WRN: variants seen among roughly 807,000 people sequenced by gnomAD.
WRN encodes bifunctional 3'-5' exonuclease/ATP-dependent helicase WRN.
Under a neutral mutation model 180.7 loss-of-function variants are expected in WRN, and 149 were observed. The observed-to-expected ratio is 0.82, with a 90% CI of 0.72 to 0.94. The LOEUF (loss-of-function observed/expected upper bound fraction) is 0.94. Among genes scored for constraint, WRN ranks in the 40% least tolerant of loss-of-function variants. The pLI is 0.00. For missense variants in WRN, 1,661 were observed against 1,700.1 expected, an observed-to-expected ratio of 0.98 and a Z score of 0.40; for synonymous variants, 548 against 568.9, an observed-to-expected ratio of 0.96 and a Z score of 0.52.
intron 14 of WRN, 29 bp from the exon 15 acceptor site, chr8:31,090,805 T>C: frequency 6.5e-7 from 1 of 1,536,624 alleles, no homozygotes; most frequent in South Asian, 1.2e-5. Context: ...ATTTTTTTCA[T>C]TTTATTTTTA....
chr8:31,065,345 A>C (rs1452949038), intron 5 of WRN, among the ~76,000 whole-genome samples: 1 of 152,120 alleles, frequency 6.6e-6, no homozygotes, highest in East Asian at 1.9e-4. Flanking sequence ...CCGGGTATTA[A>C]GCCTGGTACC....
intron 23 of WRN, among the ~76,000 whole-genome samples, chr8:31,129,791 G>C (rs1462943262): frequency 2.0e-5 from 3 of 151,982 alleles, no homozygotes; most frequent in Admixed American, 2.0e-4. Flanking sequence ...GGGATCACGA[G>C]GTCAAGAGAT....
intron 3 of WRN, among the ~76,000 whole-genome samples, chr8:31,061,759 C>T (rs58147997): frequency 0.025 from 3,866 of 152,222 alleles, 109 homozygotes; most frequent in East Asian, 0.072. Flanking sequence ...TAGACTGCCT[C>T]TGGTGATCAA....
chr8:31,143,056 T>TTTTC (rs1554533176), intron 27 of WRN, among the ~76,000 whole-genome samples: 28 of 115,590 alleles, frequency 2.4e-4, no homozygotes, highest in Non-Finnish European at 4.3e-4. Flanking sequence ...CACACACACA[T>TTTTC]TCTCTCTCTC....
chr8:31,149,479 T>G lies in WRN; in HGVS notation c.3573-862T>G, dbSNP rs1330106946. On this transcript the variant is annotated intron_variant, in intron 30 of 34. Transcript: ENST00000298139. ...TGTTTTTTTTTTTTTTTTTTTTTTT[T>G]TTTTTTTTTTTTGGTGATAGAGTCT... is the stretch of plus-strand genomic sequence containing the variant. Among the ~76,000 whole-genome samples, 142 of 91,540 alleles carry G rather than the reference T, an allele frequency of 1.6e-3. 13 individuals are homozygous for G. The highest frequency in any genetic ancestry group is 5.1e-3 in the Middle Eastern group (1 of 198). 60.1% of individuals were successfully genotyped at this position (91,540 alleles called of 152,430 possible).
At position 31,090,945 on chromosome 8, in the gene WRN, A is replaced by G. The variant is rs1813725952; in HGVS notation, c.1829+3A>G. 6.2e-7 allele frequency: 1 copy of G among 1,603,228 alleles called. No homozygotes were observed. Among genetic ancestry groups the G allele is most frequent in the Non-Finnish European group, 8.5e-7 (1 of 1,170,512 alleles). ...GAAGACCAAGTGCTACAGCTTAAGT[A>G]AGTCATGTTATCATTGCCACAATAT... On this transcript the variant is annotated splice_donor_region_variant and intron_variant, in intron 15 of 34. Coordinates refer to ENST00000298139, the MANE Select transcript of WRN (RefSeq NM_000553.6).
intron 19 of WRN, among the ~76,000 whole-genome samples, chr8:31,115,472 G>A (rs1398451050): frequency 6.6e-6 from 1 of 152,118 alleles, no homozygotes; most frequent in East Asian, 1.9e-4. Context: ...AGATAATGAT[G>A]AACATTTAGA....
chr8:31,039,685 GT>G (rs377211853), intron 1 of WRN, among the ~76,000 whole-genome samples: 170 of 152,134 alleles, frequency 1.1e-3, no homozygotes, highest in African/African-American at 3.7e-3. Context: ...TTAGCTGTGG[GT>G]TTTCATAAAT....
chr8:31,052,841 G>C (rs1268383970), intron 1 of WRN, among the ~76,000 whole-genome samples: 1 of 152,124 alleles, frequency 6.6e-6, no homozygotes, highest in Non-Finnish European at 1.5e-5. Context: ...AGCTCAAGAA[G>C]CTAGTTATAG....
intron 7 of WRN, among the ~76,000 whole-genome samples, chr8:31,069,712 C>T (rs908879118): frequency 6.6e-6 from 1 of 152,086 alleles, no homozygotes; most frequent in African/African-American, 2.4e-5. Context: ...GAACCAATCC[C>T]TCAAGGATAC....
At chr8:31,123,494 G>T (rs1801804665) in intron 21 of WRN, among the ~76,000 whole-genome samples, 1 of 152,010 alleles carries the variant, frequency 6.6e-6, no homozygotes. Context: ...TAATTACATG[G>T]AAGGGCATGG....
rs918029823 is a variant in WRN at position 31,175,043 on chromosome 8, G to T, written c.*1941G>T. ...ATGAGATGGATAGTAATTAACAAAT[G>T]TGAGTTTTTGATATTATATAAAGAT... On this transcript the variant is annotated 3_prime_UTR_variant, in exon 35 of 35. Coordinates refer to ENST00000298139, the MANE Select transcript of WRN (RefSeq NM_000553.6). Among the ~76,000 whole-genome samples, 2 of 151,826 alleles carry T rather than the reference G, an allele frequency of 1.3e-5. No individual in the cohort carries two copies. The highest frequency in any genetic ancestry group is 4.8e-5 in the African/African-American group (2 of 41,322).
At chr8:31,170,125 C>T (rs1005022624) in intron 34 of WRN, among the ~76,000 whole-genome samples, 1 of 152,084 alleles carries the variant, frequency 6.6e-6, no homozygotes, top group Non-Finnish European at 1.5e-5. Context: ...TGGTGGTTTG[C>T]CCCTACATTC....
At position 31,154,674 on chromosome 8, in the gene WRN, G is replaced by A. The variant is rs147117969; in HGVS notation, c.3738G>A (p.Leu1246=). The change falls in exon 32 of 35, where the codon CTG becomes CTA. Residue 1246 remains leucine, a synonymous_variant. Coordinates refer to ENST00000298139, the MANE Select transcript of WRN (RefSeq NM_000553.6). ...CTCAAGAAGAACAGAAGACGAGTCTGGTAGCAAAAAATAAAATATGCACAC... is the reference window on the plus strand; with the variant it reads ...CTCAAGAAGAACAGAAGACGAGTCTAGTAGCAAAAAATAAAATATGCACAC... ...TKPQEEQKTS[L]VAKNKICTLS... is the part of the protein sequence containing the mutation. The A allele has an allele frequency of 5.4e-4, 871 of 1,613,458 alleles. No homozygotes were observed. The highest frequency in any genetic ancestry group is 7.7e-4 in the African/African-American group (58 of 74,994).
At chr8:31,046,493 A>G (rs1421987189) in intron 1 of WRN, among the ~76,000 whole-genome samples, 3 of 152,180 alleles carry the variant, frequency 2.0e-5, no homozygotes, top group South Asian at 2.1e-4. Flanking sequence ...TGTTCTCCAA[A>G]AAAAGGAGAA....
intron 31 of WRN, among the ~76,000 whole-genome samples, 163 bp from the exon 32 acceptor site, chr8:31,154,461 G>C (rs1803290552): frequency 6.6e-6 from 1 of 152,050 alleles, no homozygotes; most frequent in South Asian, 2.1e-4. Flanking sequence ...AAATCAATAT[G>C]TTAAAAATCC....
At chr8:31,128,555 A>G (rs1802015774) in intron 23 of WRN, among the ~76,000 whole-genome samples, 1 of 152,186 alleles carries the variant, frequency 6.6e-6, no homozygotes, top group African/African-American at 2.4e-5. Context: ...CATACATGGA[A>G]TATTTCTAAA....
At chr8:31,048,789 A>G (rs1048834719) in intron 1 of WRN, among the ~76,000 whole-genome samples, 3 of 152,204 alleles carry the variant, frequency 2.0e-5, no homozygotes, top group African/African-American at 7.2e-5. Flanking sequence ...ACCAAACGGA[A>G]TTGCTGGAGT....
intron 18 of WRN, among the ~76,000 whole-genome samples, chr8:31,109,732 G>T (rs887549428): frequency 6.6e-6 from 1 of 152,026 alleles, no homozygotes; most frequent in East Asian, 1.9e-4. Flanking sequence ...CACTGTTATT[G>T]TAGCCATTTT....
Sources: allele counts gnomAD v4.1 joint callset (sites outside exome capture counted in the v4.1 genomes callset), GRCh38; gene constraint gnomAD v4.1.1; transcripts MANE v1.5; gene names NCBI Gene and HGNC (gene_info 2026-07-23, HGNC 2026-07-21).